Variants in ADGRL4 observed in about 807,000 individuals in gnomAD.
The protein encoded by ADGRL4 is adhesion G protein-coupled receptor L4, also known as EGF, latrophilin and seven transmembrane domain containing 1.
A neutral mutation model predicts 74.8 loss-of-function variants in ADGRL4; 90 were observed. The observed-to-expected ratio is 1.20, with a 90% CI of 1.02 to 1.43. The LOEUF (loss-of-function observed/expected upper bound fraction) is 1.43. ADGRL4 is among the 40% of genes most tolerant of loss of function. ADGRL4 has a pLI of 0.00. For synonymous variants in ADGRL4, 311 were observed against 279.2 expected, an observed-to-expected ratio of 1.11 and a Z score of -1.14; for missense variants, 881 against 814.3, an observed-to-expected ratio of 1.08 and a Z score of -1.00.
At chr1:78,905,375 A>T (rs182989643) in intron 12 of ADGRL4, among the ~76,000 whole-genome samples, 3 of 152,188 alleles carry the variant, frequency 2.0e-5, no homozygotes, top group Admixed American at 2.0e-4. Flanking sequence ...AGACATATTC[A>T]TAATTAATCC....
At chr1:78,991,481 G>C (rs554516751) in intron 2 of ADGRL4, among the ~76,000 whole-genome samples, 3 of 152,060 alleles carry the variant, frequency 2.0e-5, no homozygotes, top group African/African-American at 7.2e-5. Context: ...TATGGAGAAT[G>C]CTGACAATTT....
At chr1:78,996,441 T>C (rs138296515) in intron 2 of ADGRL4, among the ~76,000 whole-genome samples, 1 of 152,232 alleles carries the variant, frequency 6.6e-6, no homozygotes, top group Non-Finnish European at 1.5e-5. Flanking sequence ...TCTTCTTTCA[T>C]AGCAGGATAT....
At chr1:78,955,561 T>G (rs1237845274) in intron 2 of ADGRL4, among the ~76,000 whole-genome samples, 2 of 152,064 alleles carry the variant, frequency 1.3e-5, no homozygotes, top group African/African-American at 4.8e-5. Context: ...TTTGTTTTTT[T>G]TCCTACAATA....
In ADGRL4 at chr1:78,995,105, A is replaced by G. The variant is rs370859249; in HGVS notation, c.172+9965T>C. 8.5e-5 allele frequency among the ~76,000 whole-genome samples: 13 copies of G among 152,288 alleles called. No individual in the cohort carries two copies. In the East Asian group the frequency reaches 2.3e-3, roughly 27 times the overall value. ...TGTGCACCATCTTATTCAAAGGAGTACTCTCAATCACACATCACAGTGACT... is the reference window on the plus strand; with the variant it reads ...TGTGCACCATCTTATTCAAAGGAGTGCTCTCAATCACACATCACAGTGACT... On this transcript the variant is annotated intron_variant, in intron 2 of 14. Transcript: ENST00000370742.
chr1:78,926,737 C>T (rs989531998), intron 8 of ADGRL4, 149 bp downstream of exon 8: 3 of 571,376 alleles, frequency 5.3e-6, no homozygotes, highest in South Asian at 2.7e-5. Flanking sequence ...ATATTTTATA[C>T]AAAAATTAGT....
At chr1:78,919,446 AG>A (rs1648950323) in intron 10 of ADGRL4, among the ~76,000 whole-genome samples, 1 of 151,922 alleles carries the variant, frequency 6.6e-6, no homozygotes, top group Non-Finnish European at 1.5e-5. Context: ...TTCCCCTGAC[AG>A]GTAACGTTGG....
Position 78,902,000 on chromosome 1 carries a change from A to G in ADGRL4, c.1750-8811T>C, listed in dbSNP as rs185973738. On this transcript the variant is annotated intron_variant, in intron 12 of 14. Transcript: ENST00000370742. Reference sequence around the variant, plus strand: ...GAAATACACTGAAACATCTGAAACCATAATAAATATACTAAAGTAGGCTCT... The same window carrying G: ...GAAATACACTGAAACATCTGAAACCGTAATAAATATACTAAAGTAGGCTCT... Among the ~76,000 whole-genome samples, 6 of 152,344 alleles carry G rather than the reference A, an allele frequency of 3.9e-5. No individual in the cohort carries two copies. The East Asian group carries it at 1.2e-3, about 29-fold the overall frequency.
Position 78,946,354 on chromosome 1 carries a change from T to C in ADGRL4, c.245A>G (p.Tyr82Cys), listed in dbSNP as rs1195830357. Residue 82 changes from tyrosine (Y) to cysteine (C), a missense_variant, in exon 3 of 15, where the codon TAT becomes TGT. Tyr to Cys is a radical substitution (Grantham distance 194). Transcript: ENST00000370742. ...NANCTNTEGS[Y>C]YCMCVPGFRS... The stretch of plus-strand genomic sequence containing the variant: ...GAAGCCAGGTACACACATACAATAA[T>C]AACTTCCTTCTGTGTTAGTGCAATT... 2.5e-6 allele frequency: 4 copies of C among 1,613,270 alleles called. No homozygotes were observed. The highest frequency in any genetic ancestry group is 3.3e-5 in the Admixed American group (2 of 59,932).
At chr1:78,949,756 C>G (rs186360978) in intron 2 of ADGRL4, among the ~76,000 whole-genome samples, 1 of 152,052 alleles carries the variant, frequency 6.6e-6, no homozygotes, top group Non-Finnish European at 1.5e-5. Context: ...ACTACCTAAT[C>G]CCTGTAACTA....
chr1:78,978,574 GAT>G (rs781142595), intron 2 of ADGRL4, among the ~76,000 whole-genome samples: 5 of 151,558 alleles, frequency 3.3e-5, no homozygotes, highest in Non-Finnish European at 5.9e-5. Flanking sequence ...TCAACAAAAT[GAT>G]ATGTTTTCCT....
chr1:78,990,943 A>G (rs1436725736), intron 2 of ADGRL4, among the ~76,000 whole-genome samples: 1 of 152,026 alleles, frequency 6.6e-6, no homozygotes, highest in African/African-American at 2.4e-5. Flanking sequence ...TTATTTCAAA[A>G]TATCAATAAT....
chr1:78,954,579 T>G (rs961112730), intron 2 of ADGRL4, among the ~76,000 whole-genome samples: 1 of 152,128 alleles, frequency 6.6e-6, no homozygotes, highest in African/African-American at 2.4e-5. Context: ...CAATTATATT[T>G]TATTAACAAT....
At chr1:78,979,719 T>TA (rs1397765808) in intron 2 of ADGRL4, among the ~76,000 whole-genome samples, 1 of 151,812 alleles carries the variant, frequency 6.6e-6, no homozygotes, top group Non-Finnish European at 1.5e-5. Context: ...TACTTAGCCA[T>TA]AAAAAAGAAA....
chr1:78,993,868 C>T (rs1238219171), intron 2 of ADGRL4, among the ~76,000 whole-genome samples: 5 of 152,072 alleles, frequency 3.3e-5, no homozygotes, highest in Admixed American at 6.6e-5. Flanking sequence ...ACACCGCACC[C>T]GGCCAAAAAT....
intron 7 of ADGRL4, among the ~76,000 whole-genome samples, chr1:78,934,187 A>G (rs182360074): frequency 7.9e-5 from 12 of 152,352 alleles, no homozygotes; most frequent in Admixed American, 3.3e-4. Flanking sequence ...CTACAAGGCT[A>G]CAGTAACCAA....
At chr1:78,937,619 T>C (rs1649381596) in intron 6 of ADGRL4, among the ~76,000 whole-genome samples, 188 bp downstream of exon 6, 1 of 152,200 alleles carries the variant, frequency 6.6e-6, no homozygotes, top group Middle Eastern at 3.2e-3. Context: ...TGTGGATTTA[T>C]CCTTTTGACT....
At chr1:78,981,403 G>T (rs1403859409) in intron 2 of ADGRL4, among the ~76,000 whole-genome samples, 2 of 151,780 alleles carry the variant, frequency 1.3e-5, no homozygotes, top group Non-Finnish European at 2.9e-5. Flanking sequence ...ATTATTTTGT[G>T]CCATTTTATT....
intron 2 of ADGRL4, among the ~76,000 whole-genome samples, chr1:78,962,511 A>AC (rs1557514062): frequency 6.6e-6 from 1 of 151,792 alleles, no homozygotes; most frequent in Non-Finnish European, 1.5e-5. Context: ...CCTCCTGCCG[A>AC]CCCAGGTTGA....
intron 2 of ADGRL4, among the ~76,000 whole-genome samples, chr1:78,958,018 G>A (rs1649869662): frequency 1.3e-5 from 2 of 151,956 alleles, no homozygotes; most frequent in Non-Finnish European, 2.9e-5. Flanking sequence ...GCTCTATAAA[G>A]AAACAATCCT....
Sources: allele counts gnomAD v4.1 joint callset (sites outside exome capture counted in the v4.1 genomes callset), GRCh38; gene constraint gnomAD v4.1.1; transcripts MANE v1.5; gene names NCBI Gene and HGNC (gene_info 2026-07-23, HGNC 2026-07-21).